Variants in DNAH5 observed in about 807,000 individuals in gnomAD.
The protein encoded by DNAH5 is axonemal beta dynein heavy chain 5.
In DNAH5, 372 loss-of-function variants were observed where a neutral mutation model predicts 518.2. That is an observed-to-expected ratio of 0.72 (90% confidence interval 0.66 to 0.78). DNAH5 has a LOEUF of 0.78. DNAH5 is among the 30% of genes least tolerant of loss of function. The probability of loss-of-function intolerance (pLI) is 0.00; values close to 1 mark genes in which losing one functional copy is unlikely to be tolerated. For synonymous variants in DNAH5, 2,039 were observed against 2,025.9 expected (o/e 1.01, Z -0.17); for missense variants, 5,523 against 5,687.0 (o/e 0.97, Z 0.93).
At chr5:13,870,723 A>T (rs1183359040) in intron 24 of DNAH5, 44 bp downstream of exon 24, 2 of 1,530,694 alleles carry the variant, frequency 1.3e-6, no homozygotes, top group Admixed American at 3.4e-5. Context: ...ATAGCATCCA[A>T]CATGTAGAAA....
Position 13,714,391 on chromosome 5 carries a change from T to G in DNAH5, c.13125+14A>C. ...AACCCCAGCTGACATTTTGTCAGGA[T>G]TTCATCAACTCACTTCAAAGGGGAC... On this transcript the variant is annotated intron_variant, in intron 75 of 78. Transcript: ENST00000265104. 1 of 1,613,664 alleles carries G rather than the reference T, an allele frequency of 6.2e-7. No homozygotes were observed. Among genetic ancestry groups the G allele is most frequent in the Non-Finnish European group, 8.5e-7 (1 of 1,179,572 alleles).
intron 65 of DNAH5, among the ~76,000 whole-genome samples, chr5:13,737,732 C>A (rs541343592): frequency 5.3e-5 from 8 of 151,928 alleles, no homozygotes; most frequent in South Asian, 2.1e-4. Flanking sequence ...CGAGACTAGC[C>A]TGGTCAACAT....
intron 1 of DNAH5, among the ~76,000 whole-genome samples, chr5:13,953,907 C>A (rs1780592475): frequency 6.6e-6 from 1 of 152,130 alleles, no homozygotes; most frequent in Non-Finnish European, 1.5e-5. Context: ...GAGGTTTCAC[C>A]ATGTTGGTCA....
intron 15 of DNAH5, 63 bp from the exon 16 acceptor site, chr5:13,894,884 C>T: frequency 6.4e-7 from 1 of 1,563,850 alleles, no homozygotes; most frequent in South Asian, 1.1e-5. Context: ...GTTAATATCT[C>T]ATGTCTTATA....
chr5:13,779,647 C>G (rs1754797899), intron 53 of DNAH5, among the ~76,000 whole-genome samples: 1 of 152,202 alleles, frequency 6.6e-6, no homozygotes, highest in Non-Finnish European at 1.5e-5. Flanking sequence ...TTCATGTTCA[C>G]TTTTCATGTG....
At position 13,801,579 on chromosome 5, in the gene DNAH5, C is replaced by G. The variant is rs146899109; in HGVS notation, c.7887+6012G>C. Among the ~76,000 whole-genome samples, 926 of 152,302 alleles carry G rather than the reference C, an allele frequency of 6.1e-3. 2 individuals carry two copies. Among genetic ancestry groups the G allele is most frequent in the Middle Eastern group, 0.017 (5 of 294 alleles). ...CTCATTTTACCATCTTGGTCCAGCC[C>G]AACCTCCCTCCTGAGAAATGACTGC... is the stretch of plus-strand genomic sequence containing the variant. On this transcript the variant is annotated intron_variant, in intron 47 of 78. Coordinates refer to ENST00000265104, the MANE Select transcript of DNAH5 (RefSeq NM_001369.3).
Position 13,841,918 on chromosome 5 carries a change from CAAAAAAAAAAA to C in DNAH5, c.5272-25_5272-15del. The C allele has an allele frequency of 1.7e-6, 1 of 591,134 alleles. No individual in the cohort carries two copies. The highest frequency in any genetic ancestry group is 2.7e-6 in the Non-Finnish European group (1 of 370,188). The allele number at this position is 591,134 out of a possible 1,614,324, so 36.6% of individuals were successfully genotyped here. A position where few individuals can be genotyped will look rare whatever the true frequency, so the allele number is the denominator to read the frequency against. ...TCGATCATAGATCTATGTTAGAAACCAAAAAAAAAAAAAAAAAAAGCTATAGTCATATAAAA... is the reference window on the plus strand; with the variant it reads ...TCGATCATAGATCTATGTTAGAAACCAAAAAAAAGCTATAGTCATATAAAA... On this transcript the variant is annotated splice_polypyrimidine_tract_variant and intron_variant, in intron 32 of 78. Coordinates refer to ENST00000265104, the MANE Select transcript of DNAH5 (RefSeq NM_001369.3).
In DNAH5 at chr5:13,735,842, C is replaced by T. The variant is rs1747323389; in HGVS notation, c.11546G>A (p.Gly3849Asp). 2 of 1,614,120 alleles carry T rather than the reference C, an allele frequency of 1.2e-6. No individual in the cohort carries two copies. Among genetic ancestry groups the T allele is most frequent in the Non-Finnish European group, 1.7e-6 (2 of 1,179,978 alleles). Residue 3849 changes from glycine to aspartate, a missense_variant, in exon 67 of 79, where the codon GGC (glycine) becomes GAC (aspartate). Coordinates refer to ENST00000265104, the MANE Select transcript of DNAH5 (RefSeq NM_001369.3). Reference sequence around the variant, plus strand: ...CCTGGCTAAGGAAAGGTCAAATAAGCCCAGAAACTGGCGAAGCGAAGTCTG... The same window carrying T: ...CCTGGCTAAGGAAAGGTCAAATAAGTCCAGAAACTGGCGAAGCGAAGTCTG... ...MYQTSLRQFL[G>D]LFDLSLARSV...
At chr5:14,007,261 A>G (rs1408489698) in intron 1 of DNAH5, among the ~76,000 whole-genome samples, 1 of 152,226 alleles carries the variant, frequency 6.6e-6, no homozygotes, top group Non-Finnish European at 1.5e-5. Flanking sequence ...TCACTGCATC[A>G]CAAGCTCTTT....
intron 29 of DNAH5, among the ~76,000 whole-genome samples, chr5:13,861,380 T>G (rs769436469): frequency 6.6e-6 from 1 of 152,188 alleles, no homozygotes; most frequent in Non-Finnish European, 1.5e-5. Flanking sequence ...TTTTTTGAAA[T>G]AGTATGAAGT....
Position 13,870,755 on chromosome 5 carries a change from A to ATCATTTGT in DNAH5, c.3834+11_3834+12insACAAATGA. 6.3e-7 allele frequency: 1 copy of ATCATTTGT among 1,595,390 alleles called. No homozygotes were observed. Among genetic ancestry groups the ATCATTTGT allele is most frequent in the Non-Finnish European group, 8.6e-7 (1 of 1,163,478 alleles). ...GAAATATTTCTATAATGAACAAATGATCATTAGTTACCTCAATAGGTCCTA... is the reference window on the plus strand; with the variant it reads ...GAAATATTTCTATAATGAACAAATGATCATTTGTTCATTAGTTACCTCAATAGGTCCTA... On this transcript the variant is annotated intron_variant, in intron 24 of 78. Transcript: ENST00000265104.
At chr5:13,973,060 G>C (rs967111648) in intron 1 of DNAH5, among the ~76,000 whole-genome samples, 2 of 152,148 alleles carry the variant, frequency 1.3e-5, no homozygotes, top group East Asian at 3.9e-4. Context: ...ATTCAGTGAG[G>C]GGGAGATGAG....
intron 65 of DNAH5, among the ~76,000 whole-genome samples, chr5:13,750,631 T>C (rs1460497026): frequency 6.6e-6 from 1 of 152,194 alleles, no homozygotes; most frequent in Non-Finnish European, 1.5e-5. Flanking sequence ...ACAATGTTGT[T>C]TGTTATGAGT....
rs569920273 is a variant in DNAH5, at chr5:13,841,908, T to A, written c.5272-4A>T. The A allele has an allele frequency of 1.1e-4, 155 of 1,370,742 alleles. 1 individual carries two copies. In the South Asian group the frequency reaches 1.9e-3, roughly 17 times the overall value. The allele number at this position is 1,370,742 out of a possible 1,614,324, so 84.9% of individuals were successfully genotyped here. On this transcript the variant is annotated splice_polypyrimidine_tract_variant and splice_region_variant and intron_variant, in intron 32 of 78. Coordinates refer to ENST00000265104, the MANE Select transcript of DNAH5 (RefSeq NM_001369.3). ...TTGACAGAATTCGATCATAGATCTA[T>A]GTTAGAAACCAAAAAAAAAAAAAAA...
rs1245485924 is a variant in DNAH5, at chr5:13,707,822, T to C, written c.13338+301A>G. On this transcript the variant is annotated intron_variant, in intron 76 of 78. Coordinates refer to ENST00000265104, the MANE Select transcript of DNAH5 (RefSeq NM_001369.3). This position sits in a 1 kb window ranked among gnomAD's most constrained non-coding sequence, Gnocchi z 4.0. ...TCTTGGACTACTTAGATGTGTAATCTGAGAAAAGACTTAACCTGTCCCAAA... is the reference window on the plus strand; with the variant it reads ...TCTTGGACTACTTAGATGTGTAATCCGAGAAAAGACTTAACCTGTCCCAAA... Among the ~76,000 whole-genome samples the C allele has an allele frequency of 3.3e-5, 5 of 152,188 alleles. No individual in the cohort carries two copies. Among genetic ancestry groups the C allele is most frequent in the African/African-American group, 9.7e-5 (4 of 41,448 alleles).
chr5:13,883,183 A>T, intron 19 of DNAH5, 89 bp from the exon 20 acceptor site: 1 of 1,281,094 alleles, frequency 7.8e-7, no homozygotes, highest in Non-Finnish European at 1.1e-6. Flanking sequence ...AAAACAATAC[A>T]TAATAGGTAT....
intron 1 of DNAH5, among the ~76,000 whole-genome samples, chr5:13,981,187 C>A (rs74968554): frequency 0.076 from 11,545 of 152,278 alleles, 522 homozygotes; most frequent in East Asian, 0.13. Context: ...GCTGTATTCC[C>A]AGCACCCAGA....
chr5:13,980,910 T>A (rs1254997250), intron 1 of DNAH5, among the ~76,000 whole-genome samples: 1 of 152,212 alleles, frequency 6.6e-6, no homozygotes, highest in African/African-American at 2.4e-5. Context: ...TTGCATGTGA[T>A]CTTCCCACAT....
intron 1 of DNAH5, among the ~76,000 whole-genome samples, chr5:13,968,687 T>C (rs72736941): frequency 0.071 from 10,745 of 152,276 alleles, 571 homozygotes; most frequent in Non-Finnish European, 0.097. Context: ...GTGAATTATC[T>C]TTTTGATATA....
Sources: gnomAD v4.1 joint callset for allele counts (sites outside exome capture counted in the v4.1 genomes callset) on GRCh38, gnomAD v4.1.1 for gene constraint, Gnocchi (gnomAD v3.1) non-coding constraint, MANE v1.5 for transcripts, NCBI Gene and HGNC (gene_info 2026-07-23, HGNC 2026-07-21) for gene names.